GCNT2: variants seen among roughly 807,000 people sequenced by gnomAD.
GCNT2 encodes the protein N-acetyllactosaminide beta-1,6-N-acetylglucosaminyl-transferase.
A neutral mutation model predicts 34.2 loss-of-function variants in GCNT2; 34 were observed. That is an observed-to-expected ratio of 1.00 (90% CI 0.76 to 1.32). The LOEUF (loss-of-function observed/expected upper bound fraction) is 1.32. Ranked by LOEUF, GCNT2 falls within the 40% of genes most tolerant of loss-of-function variation. The pLI is 0.00. For synonymous variants in GCNT2, 212 were observed against 188.0 expected (o/e 1.13, Z -1.04); for missense variants, 584 against 489.4 (o/e 1.19, Z -1.82).
At chr6:10,617,477 G>A (rs939476496) in intron 3 of GCNT2, among the ~76,000 whole-genome samples, 2 of 152,198 alleles carry the variant, frequency 1.3e-5, no homozygotes, top group Non-Finnish European at 2.9e-5. Flanking sequence ...GTGCAGCCGC[G>A]GGCTGAAGGG....
chr6:10,615,999 G>T (rs550624350), intron 3 of GCNT2, among the ~76,000 whole-genome samples: 3 of 152,300 alleles, frequency 2.0e-5, no homozygotes, highest in African/African-American at 7.2e-5. Context: ...GGAATTGGTG[G>T]GTTCTTGGTC....
At position 10,626,910 on chromosome 6, in the gene GCNT2, C is replaced by A; in HGVS notation, c.*303C>A. ...ATTTAAATGACCTCAGATCTTTGCA[C>A]CAGATACTCATCATATACAAATGTT... On this transcript the variant is annotated 3_prime_UTR_variant, in exon 5 of 5. Transcript: ENST00000495262. 1 of 360,862 alleles carries A rather than the reference C, an allele frequency of 2.8e-6. No individual in the cohort carries two copies. Among genetic ancestry groups the A allele is most frequent in the Non-Finnish European group, 5.2e-6 (1 of 192,376 alleles). The allele number at this position is 360,862 out of a possible 1,614,324, so 22.4% of individuals were successfully genotyped here.
At chr6:10,585,469 G>A (rs1171996482) in intron 3 of GCNT2, among the ~76,000 whole-genome samples, 2 of 152,160 alleles carry the variant, frequency 1.3e-5, no homozygotes, top group African/African-American at 4.8e-5. Context: ...TAAATGCTGT[G>A]GCTCCTAAGG....
At position 10,534,317 on chromosome 6, in the gene GCNT2, T is replaced by C. The variant is rs374198686; in HGVS notation, c.925+4481T>C. On this transcript the variant is annotated intron_variant, in intron 3 of 4. Coordinates refer to ENST00000495262, the MANE Select transcript of GCNT2 (RefSeq NM_145649.5). ...ACACCACGCTTGGCTAATTTTTGCA[T>C]TTTTAGTAGAGACGGGGTTTCACCA... is the stretch of plus-strand genomic sequence containing the variant. Among the ~76,000 whole-genome samples, 12 of 151,994 alleles carry C rather than the reference T, an allele frequency of 7.9e-5. No individual in the cohort carries two copies. In the East Asian group the frequency reaches 1.9e-3, roughly 25 times the overall value.
intron 3 of GCNT2, chr6:10,573,383 G>A (rs1020948240): frequency 8.1e-6 from 6 of 738,462 alleles, no homozygotes; most frequent in South Asian, 6.1e-5. Context: ...GGCATTTAGT[G>A]TTAACAGCTG....
chr6:10,534,095 C>G (rs1222843849), intron 3 of GCNT2, among the ~76,000 whole-genome samples: 1 of 146,990 alleles, frequency 6.8e-6, no homozygotes, highest in Non-Finnish European at 1.5e-5. Context: ...CCTGTGGGTT[C>G]TACTTCCTAT....
intron 3 of GCNT2, chr6:10,557,461 A>G: frequency 6.5e-6 from 5 of 770,986 alleles, no homozygotes; most frequent in Non-Finnish European, 1.1e-5. Context: ...TATAGTTCTC[A>G]CCCTAGTCCT....
intron 3 of GCNT2, among the ~76,000 whole-genome samples, chr6:10,618,692 C>T (rs530555905): frequency 1.6e-4 from 25 of 152,232 alleles, no homozygotes; most frequent in Admixed American, 6.5e-5. Context: ...ACAGCTTCAC[C>T]GGACAAGTTT....
chr6:10,593,925 T>C (rs1403701315), intron 3 of GCNT2, among the ~76,000 whole-genome samples: 1 of 152,246 alleles, frequency 6.6e-6, no homozygotes, highest in Non-Finnish European at 1.5e-5. Flanking sequence ...GTCCTCCCAA[T>C]ACTTGCCAAC....
chr6:10,590,673 C>T (rs553016001), intron 3 of GCNT2, among the ~76,000 whole-genome samples: 68 of 152,070 alleles, frequency 4.5e-4, no homozygotes, highest in African/African-American at 1.4e-3. Flanking sequence ...CCTGCCTCAG[C>T]CTCCCGAGTA....
At chr6:10,534,455 C>T (rs1006692234) in intron 3 of GCNT2, among the ~76,000 whole-genome samples, 1 of 152,088 alleles carries the variant, frequency 6.6e-6, no homozygotes, top group Non-Finnish European at 1.5e-5. Context: ...CTCTTGACAG[C>T]AAGTGCTCTC....
chr6:10,560,926 T>G (rs1288874320), intron 3 of GCNT2, among the ~76,000 whole-genome samples: 1 of 152,148 alleles, frequency 6.6e-6, no homozygotes, highest in Non-Finnish European at 1.5e-5. Context: ...GTGTGGCTTG[T>G]GCACAGATGG....
chr6:10,546,676 A>G (rs985121497), intron 3 of GCNT2, among the ~76,000 whole-genome samples: 2 of 152,044 alleles, frequency 1.3e-5, no homozygotes, highest in South Asian at 2.1e-4. Flanking sequence ...AGAAAAGAAA[A>G]TATTACTCTT....
chr6:10,556,748 G>T, intron 3 of GCNT2: 1 of 1,614,146 alleles, frequency 6.2e-7, no homozygotes, highest in Non-Finnish European at 8.5e-7. Flanking sequence ...TGACACCTTT[G>T]CAAGGCTCTT....
chr6:10,556,482 TC>T lies in GCNT2; in HGVS notation c.925+26647del, dbSNP rs1184095219. The T allele has an allele frequency of 1.5e-5, 25 of 1,614,060 alleles. No individual in the cohort carries two copies. In the Admixed American group the frequency reaches 3.7e-4, roughly 24 times the overall value. On this transcript the variant is annotated intron_variant, in intron 3 of 4. Coordinates refer to ENST00000495262, the MANE Select transcript of GCNT2 (RefSeq NM_145649.5). ...TCTGTCTCTAGTGTAATTATTTTTA[TC>T]GTCTTCTCTGTGTTCAATTTTGGGG...
Position 10,535,375 on chromosome 6 carries a change from T to C in GCNT2, c.925+5539T>C, listed in dbSNP as rs574865250. ...TAGCTGTTATGAAATTAGGGCTTCC[T>C]GCCCTCCCTTTTTCCTCTCCCCACT... On this transcript the variant is annotated intron_variant, in intron 3 of 4. Coordinates refer to ENST00000495262, the MANE Select transcript of GCNT2 (RefSeq NM_145649.5). 4.1e-4 allele frequency among the ~76,000 whole-genome samples: 63 copies of C among 152,328 alleles called. 2 individuals are homozygous for C. In the South Asian group the frequency reaches 0.013, roughly 31 times the overall value.
intron 3 of GCNT2, among the ~76,000 whole-genome samples, chr6:10,592,885 T>C (rs1764711809): frequency 6.6e-6 from 1 of 151,924 alleles, no homozygotes; most frequent in Admixed American, 6.6e-5. Context: ...GGACTACAGG[T>C]GTGTGCCACC....
chr6:10,610,057 AC>A (rs1177361518), intron 3 of GCNT2, among the ~76,000 whole-genome samples: 1 of 152,116 alleles, frequency 6.6e-6, no homozygotes, highest in Non-Finnish European at 1.5e-5. Flanking sequence ...AGACAGAGAG[AC>A]CCACTGGCAG....
intron 3 of GCNT2, among the ~76,000 whole-genome samples, chr6:10,558,740 G>T (rs1032524847): frequency 1.2e-4 from 19 of 152,204 alleles, no homozygotes; most frequent in African/African-American, 4.3e-4. Flanking sequence ...TAAACACGCC[G>T]GCATTCTCTG....
Sources: allele counts gnomAD v4.1 joint callset (sites outside exome capture counted in the v4.1 genomes callset), GRCh38; gene constraint gnomAD v4.1.1; transcripts MANE v1.5; gene names NCBI Gene and HGNC (gene_info 2026-07-23, HGNC 2026-07-21).